Variants in CDC20B observed in about 807,000 individuals in gnomAD.
The protein encoded by CDC20B is cell division cycle 20B.
Under a neutral mutation model 64.1 loss-of-function variants are expected in CDC20B, and 58 were observed. The observed-to-expected ratio is 0.90, with a 90% CI of 0.73 to 1.13. The LOEUF is 1.13. Ranked by LOEUF, CDC20B falls within the 50% of genes most tolerant of loss-of-function variation. CDC20B has a pLI of 0.00. For missense variants in CDC20B, 597 were observed against 633.0 expected (o/e 0.94, Z 0.61); for synonymous variants, 243 against 230.6 (o/e 1.05, Z -0.49).
chr5:55,143,377 T>C (rs895953522), intron 4 of CDC20B, 136 bp downstream of exon 4: 16 of 865,524 alleles, frequency 1.8e-5, no homozygotes, highest in African/African-American at 5.1e-5. Flanking sequence ...ATCCTTCAAT[T>C]ATTCATTTTT....
intron 2 of CDC20B, among the ~76,000 whole-genome samples, chr5:55,158,943 A>AT (rs970639021): frequency 6.6e-5 from 10 of 151,844 alleles, no homozygotes; most frequent in Non-Finnish European, 1.2e-4. Flanking sequence ...GTTTTCAGGG[A>AT]TTTTTTTTGG....
At chr5:55,118,188 A>C (rs533908575) in intron 11 of CDC20B, among the ~76,000 whole-genome samples, 1 of 152,252 alleles carries the variant, frequency 6.6e-6, no homozygotes, top group African/African-American at 2.4e-5. Flanking sequence ...CAAATTTCCA[A>C]ACTTACTGAC....
intron 9 of CDC20B, among the ~76,000 whole-genome samples, chr5:55,121,439 G>A (rs1281225270): frequency 1.3e-5 from 2 of 152,046 alleles, no homozygotes; most frequent in Non-Finnish European, 2.9e-5. Context: ...GCTAATGCTG[G>A]ACCTGTTTTG....
intron 4 of CDC20B, among the ~76,000 whole-genome samples, chr5:55,141,027 G>T (rs1470878903): frequency 1.3e-5 from 2 of 152,198 alleles, no homozygotes; most frequent in African/African-American, 4.8e-5. Flanking sequence ...TAAAATATTT[G>T]CTCTCCCAAA....
chr5:55,141,069 C>T (rs336078), intron 4 of CDC20B, among the ~76,000 whole-genome samples: 21,551 of 152,188 alleles, frequency 0.14, 1,778 homozygotes, highest in South Asian at 0.26. Flanking sequence ...TTCAGAACTA[C>T]GCCAAAGGTC....
intron 5 of CDC20B, among the ~76,000 whole-genome samples, chr5:55,137,946 G>A (rs1032681945): frequency 3.3e-5 from 5 of 152,156 alleles, no homozygotes; most frequent in African/African-American, 1.2e-4. Context: ...CAAGGGCTCC[G>A]AGGCACAGAG....
chr5:55,128,755 A>C (rs1034918210), intron 6 of CDC20B, 138 bp from the exon 7 acceptor site: 1 of 597,502 alleles, frequency 1.7e-6, no homozygotes, highest in African/African-American at 1.9e-5. Context: ...GGAACCATGA[A>C]AATCCTTAAA....
At chr5:55,125,981 G>A (rs1742877638) in intron 8 of CDC20B, among the ~76,000 whole-genome samples, 1 of 152,142 alleles carries the variant, frequency 6.6e-6, no homozygotes, top group Non-Finnish European at 1.5e-5. Flanking sequence ...AAAAAGTATA[G>A]CACAGTGCCT....
chr5:55,161,866 A>G (rs1744083684), intron 2 of CDC20B, among the ~76,000 whole-genome samples: 1 of 152,212 alleles, frequency 6.6e-6, no homozygotes, highest in African/African-American at 2.4e-5. Flanking sequence ...TGAGGCATAC[A>G]GACAGCATAG....
At chr5:55,161,066 C>T in intron 2 of CDC20B, 1 of 1,614,138 alleles carries the variant, frequency 6.2e-7, no homozygotes, top group Non-Finnish European at 8.5e-7. Context: ...GAAGGAACTG[C>T]ACAAAGAGTT....
Position 55,149,230 on chromosome 5 carries a change from G to C in CDC20B, c.127-2374C>G, listed in dbSNP as rs117139946. Among the ~76,000 whole-genome samples the C allele has an allele frequency of 6.6e-4, 101 of 152,300 alleles. 1 individual carries two copies. In the East Asian group the frequency reaches 0.018, roughly 26 times the overall value. The stretch of plus-strand genomic sequence containing the variant: ...AATGGAAACTAATAAGCATTGGTAA[G>C]GATGCGAAGAAACTGGAATCTTTGT... On this transcript the variant is annotated intron_variant, in intron 2 of 11. Transcript: ENST00000381375.
At position 55,114,325 on chromosome 5, in the gene CDC20B, G is replaced by A; in HGVS notation, c.1460-7C>T. 6.2e-7 allele frequency: 1 copy of A among 1,613,152 alleles called. No homozygotes were observed. Reference sequence around the variant, plus strand: ...AGCACTCTGCCCCTGTGGCCTGGGGGAAGAAGGAAAGACAGTTCATACTCC... The same window carrying A: ...AGCACTCTGCCCCTGTGGCCTGGGGAAAGAAGGAAAGACAGTTCATACTCC... On this transcript the variant is annotated splice_polypyrimidine_tract_variant and splice_region_variant and intron_variant, in intron 11 of 11. Transcript: ENST00000381375. This position sits in a 1 kb window ranked among gnomAD's most constrained non-coding sequence, Gnocchi z 4.1.
intron 3 of CDC20B, among the ~76,000 whole-genome samples, chr5:55,145,541 A>G (rs1198089744): frequency 1.3e-5 from 2 of 152,194 alleles, no homozygotes; most frequent in Admixed American, 6.5e-5. Flanking sequence ...CCAAATGAGA[A>G]TTACATATTT....
intron 9 of CDC20B, among the ~76,000 whole-genome samples, chr5:55,123,140 G>T (rs535228905): frequency 1.3e-5 from 2 of 152,274 alleles, no homozygotes; most frequent in South Asian, 4.1e-4. Context: ...GTCTCATATG[G>T]TGAATTAATG....
At chr5:55,122,979 C>T (rs1742794604) in intron 9 of CDC20B, among the ~76,000 whole-genome samples, 1 of 152,188 alleles carries the variant, frequency 6.6e-6, no homozygotes, top group African/African-American at 2.4e-5. Context: ...TTTTAAGCCA[C>T]TAAGTTTTTG....
chr5:55,154,991 A>AT (rs1246320075), intron 2 of CDC20B, among the ~76,000 whole-genome samples: 1 of 152,198 alleles, frequency 6.6e-6, no homozygotes, highest in East Asian at 1.9e-4. Flanking sequence ...CATCTTCAGT[A>AT]TTTTTAAACT....
At chr5:55,138,962 T>A (rs930540143) in intron 5 of CDC20B, among the ~76,000 whole-genome samples, 2 of 150,388 alleles carry the variant, frequency 1.3e-5, no homozygotes, top group African/African-American at 2.4e-5. Flanking sequence ...ATAAAAAAAA[T>A]ATTAAAAAAT....
At chr5:55,125,699 T>C (rs1742868876) in intron 8 of CDC20B, among the ~76,000 whole-genome samples, 1 of 152,244 alleles carries the variant, frequency 6.6e-6, no homozygotes, top group Non-Finnish European at 1.5e-5. Flanking sequence ...ATTAATTTAA[T>C]TTTCTCTAAG....
intron 4 of CDC20B, 94 bp downstream of exon 4, chr5:55,143,419 G>C: frequency 1.6e-6 from 2 of 1,277,844 alleles, no homozygotes; most frequent in South Asian, 4.0e-5. Flanking sequence ...TTATTGATTG[G>C]TAAGAGAACT....
Sources: gnomAD v4.1 joint callset for allele counts (sites outside exome capture counted in the v4.1 genomes callset) on GRCh38, gnomAD v4.1.1 for gene constraint, Gnocchi (gnomAD v3.1) non-coding constraint, MANE v1.5 for transcripts, NCBI Gene and HGNC (gene_info 2026-07-23, HGNC 2026-07-21) for gene names.